Variants in NRG1 observed in about 807,000 individuals in gnomAD.
NRG1 encodes the protein neuregulin 1, also known as pro-neuregulin-1, membrane-bound isoform.
A neutral mutation model predicts 63.8 loss-of-function variants in NRG1; 18 were observed. The observed-to-expected ratio is 0.28, with a 90% CI of 0.19 to 0.42. NRG1 has a LOEUF of 0.42. NRG1 is among the 10% of genes least tolerant of loss of function. The probability of loss-of-function intolerance (pLI) is 1.00; values close to 1 mark genes in which losing one functional copy is unlikely to be tolerated. For synonymous variants in NRG1, 302 were observed against 301.3 expected (o/e 1.00, Z -0.02); for missense variants, 762 against 814.7 (o/e 0.94, Z 0.79).
At chr8:32,306,210 T>C (rs374880358) in intron 1 of NRG1, among the ~76,000 whole-genome samples, 2 of 152,188 alleles carry the variant, frequency 1.3e-5, no homozygotes, top group Non-Finnish European at 2.9e-5. Flanking sequence ...CTGTCACCAA[T>C]GTGAATTTAC....
rs1829727914 is a variant in NRG1 at position 32,756,534 on chromosome 8, G to A, written c.921+5G>A. On this transcript the variant is annotated splice_donor_5th_base_variant and intron_variant, in intron 9 of 11. Transcript: ENST00000356819. Reference sequence around the variant, plus strand: ...GAGAATGTCCAGCTGGTGAATGTACGTTGACTCTGGCCAGTGGAAAAAACT... The same window carrying A: ...GAGAATGTCCAGCTGGTGAATGTACATTGACTCTGGCCAGTGGAAAAAACT... 3.7e-6 allele frequency: 6 copies of A among 1,608,458 alleles called. No homozygotes were observed. Among genetic ancestry groups the A allele is most frequent in the Non-Finnish European group, 3.4e-6 (4 of 1,177,846 alleles).
At chr8:32,360,003 C>T (rs1807001972) in intron 1 of NRG1, among the ~76,000 whole-genome samples, 1 of 152,138 alleles carries the variant, frequency 6.6e-6, no homozygotes, top group Admixed American at 6.6e-5. Context: ...ACCAGGCATT[C>T]GACATGTGGT....
At chr8:32,618,045 A>T (rs559525757) in intron 5 of NRG1, among the ~76,000 whole-genome samples, 187 of 152,194 alleles carry the variant, frequency 1.2e-3, no homozygotes, top group Non-Finnish European at 2.1e-3. Flanking sequence ...AAAGGGCCAA[A>T]TTAGTTTCCT....
intron 1 of NRG1, among the ~76,000 whole-genome samples, chr8:32,395,261 T>A: frequency 6.6e-6 from 1 of 152,220 alleles, no homozygotes; most frequent in East Asian, 1.9e-4. Flanking sequence ...TAGTAAGTGG[T>A]AGAACCAGGA....
chr8:31,991,275 C>T (rs190359249), intron 1 of NRG1, among the ~76,000 whole-genome samples: 6 of 151,792 alleles, frequency 4.0e-5, no homozygotes, highest in African/African-American at 7.2e-5. Flanking sequence ...CTCATCCTGA[C>T]GACGACAACA....
chr8:31,684,580 C>T lies in NRG1; in HGVS notation c.37+45149C>T, dbSNP rs1303182716. On this transcript the variant is annotated intron_variant, in intron 1 of 10. Coordinates refer to the NRG1 transcript ENST00000519301. ...ACAGGGACTCAGCAGTTTATTTTAG[C>T]ACAAGGCTTCCAGGTGATTCTGATG... Among the ~76,000 whole-genome samples, 6 of 152,262 alleles carry T rather than the reference C, an allele frequency of 3.9e-5. No individual in the cohort carries two copies. In the East Asian group the frequency reaches 7.7e-4, roughly 20 times the overall value.
intron 1 of NRG1, among the ~76,000 whole-genome samples, chr8:32,443,224 G>A (rs890612174): frequency 6.6e-6 from 1 of 152,100 alleles, no homozygotes; most frequent in African/African-American, 2.4e-5. Flanking sequence ...TTATAGGCAT[G>A]AGCCACCACA....
At chr8:32,346,956 A>C (rs942695627) in intron 1 of NRG1, among the ~76,000 whole-genome samples, 2 of 151,728 alleles carry the variant, frequency 1.3e-5, no homozygotes, top group Non-Finnish European at 2.9e-5. Context: ...CAGCCTCCCA[A>C]GCAGCTGGGA....
chr8:32,388,825 G>A (rs561336451), intron 1 of NRG1, among the ~76,000 whole-genome samples: 1 of 151,990 alleles, frequency 6.6e-6, no homozygotes, highest in South Asian at 2.1e-4. Context: ...GTTTTTTTTG[G>A]GGGGGAAATA....
chr8:31,825,969 A>C (rs960075716), intron 1 of NRG1, among the ~76,000 whole-genome samples: 1 of 152,190 alleles, frequency 6.6e-6, no homozygotes, highest in African/African-American at 2.4e-5. Context: ...TGAATGCTAG[A>C]TTCATGCTTT....
chr8:32,630,800 CTT>C (rs1300958865), intron 5 of NRG1, among the ~76,000 whole-genome samples: 2 of 150,678 alleles, frequency 1.3e-5, no homozygotes, highest in Non-Finnish European at 2.9e-5. Flanking sequence ...CATGCAGCCT[CTT>C]GTGCTGTGGT....
At chr8:32,008,429 A>G (rs1008314359) in intron 1 of NRG1, among the ~76,000 whole-genome samples, 2 of 151,958 alleles carry the variant, frequency 1.3e-5, no homozygotes, top group African/African-American at 4.8e-5. Flanking sequence ...CACTGCTAGG[A>G]AAAAAAATTG....
intron 1 of NRG1, among the ~76,000 whole-genome samples, chr8:31,961,130 A>G (rs985473895): frequency 6.6e-6 from 1 of 152,218 alleles, no homozygotes; most frequent in Non-Finnish European, 1.5e-5. Flanking sequence ...TACTCAGAGT[A>G]GTAGAATCTA....
rs529737530 is a variant in NRG1 at position 32,170,205 on chromosome 8, G to A, written c.38-425623G>A. Among the ~76,000 whole-genome samples, 123 of 152,254 alleles carry A rather than the reference G, an allele frequency of 8.1e-4. No homozygotes were observed. The Middle Eastern group carries it at 0.01, about 13-fold the overall frequency. On this transcript the variant is annotated intron_variant, in intron 1 of 10. Transcript: ENST00000519301. The stretch of plus-strand genomic sequence containing the variant: ...TGTTGTTTGAAGCCACCAAATCTGT[G>A]ATACTCTGTTACACAAATCCTAGGA...
At chr8:31,760,888 C>G (rs554420028) in intron 1 of NRG1, among the ~76,000 whole-genome samples, 2,093 of 151,970 alleles carry the variant, frequency 0.014, 24 homozygotes, top group African/African-American at 0.033. Flanking sequence ...GTGGAAGTCA[C>G]TGTGGCGATT....
chr8:32,762,038 C>CAAAAAAAAAAAAAAAAA (rs11407724), intron 11 of NRG1, among the ~76,000 whole-genome samples: 1 of 81,478 alleles, frequency 1.2e-5, no homozygotes, highest in Non-Finnish European at 2.1e-5. Flanking sequence ...GACTCCGCCT[C>CAAAAAAAAAAAAAAAAA]AAAAAAAAAA....
At chr8:32,571,375 C>G (rs900329719) in intron 1 of NRG1, among the ~76,000 whole-genome samples, 3 of 152,116 alleles carry the variant, frequency 2.0e-5, no homozygotes, top group African/African-American at 4.8e-5. Flanking sequence ...ACAGCATTTT[C>G]TTATCAAAGG....
At chr8:32,705,112 C>A (rs1360652502) in intron 5 of NRG1, among the ~76,000 whole-genome samples, 1 of 151,204 alleles carries the variant, frequency 6.6e-6, no homozygotes, top group Non-Finnish European at 1.5e-5. Context: ...TAGCAATCAG[C>A]ATGGGATAGG....
chr8:31,994,005 A>C (rs1263693099), intron 1 of NRG1, among the ~76,000 whole-genome samples: 1 of 151,974 alleles, frequency 6.6e-6, no homozygotes, highest in Non-Finnish European at 1.5e-5. Flanking sequence ...TCATTTTTGC[A>C]ACATTCAGTA....
Sources: allele counts gnomAD v4.1 joint callset (sites outside exome capture counted in the v4.1 genomes callset), GRCh38; gene constraint gnomAD v4.1.1; transcripts MANE v1.5; gene names NCBI Gene and HGNC (gene_info 2026-07-23, HGNC 2026-07-21).